SLC26A7: variants seen among roughly 807,000 people sequenced by gnomAD.
The protein encoded by SLC26A7 is solute carrier family 26 member 7.
SLC26A7 carries 59 observed loss-of-function variants against 82.5 expected under a neutral mutation model. The ratio of observed to expected loss-of-function variants is 0.72; its 90% confidence interval spans 0.58 to 0.89. SLC26A7 has a LOEUF of 0.89. Ranked by LOEUF, SLC26A7 falls within the 40% of genes least tolerant of loss-of-function variation. SLC26A7 has a pLI of 0.00. For missense variants in SLC26A7, 820 were observed against 793.0 expected, an observed-to-expected ratio of 1.03 and a Z score of -0.41; for synonymous variants, 271 against 274.3, an observed-to-expected ratio of 0.99 and a Z score of 0.12.
chr8:91,295,745 C>A (rs746770043), intron 4 of SLC26A7, 42 bp downstream of exon 4: 4 of 1,578,838 alleles, frequency 2.5e-6, no homozygotes, highest in Non-Finnish European at 3.5e-6. Flanking sequence ...AGGGACACAG[C>A]GGCACAGGGA....
chr8:91,332,068 C>T (rs1236106727), intron 5 of SLC26A7, among the ~76,000 whole-genome samples: 6 of 150,322 alleles, frequency 4.0e-5, no homozygotes, highest in African/African-American at 1.5e-4. Flanking sequence ...TTTGTTCAAA[C>T]ATGATATATT....
At chr8:91,293,252 G>T (rs1308937709) in intron 3 of SLC26A7, among the ~76,000 whole-genome samples, 3 of 152,178 alleles carry the variant, frequency 2.0e-5, no homozygotes, top group Non-Finnish European at 4.4e-5. Context: ...CAGTACTGTT[G>T]AGCTATCAGG....
chr8:91,234,791 CCCTACCTA>C (rs68154003), intron 2 of SLC26A7, among the ~76,000 whole-genome samples: 2,144 of 121,418 alleles, frequency 0.018, 42 homozygotes, highest in East Asian at 0.034. Flanking sequence ...TTCCCTCCCT[CCCTACCTA>C]CCTACCTACC....
intron 2 of SLC26A7, among the ~76,000 whole-genome samples, chr8:91,279,235 G>A (rs1399526764): frequency 6.8e-6 from 1 of 147,924 alleles, no homozygotes; most frequent in Non-Finnish European, 1.5e-5. Flanking sequence ...CTTGGCTATT[G>A]TGAATAGTGC....
intron 5 of SLC26A7, among the ~76,000 whole-genome samples, chr8:91,323,881 C>G (rs556512178): frequency 2.1e-5 from 3 of 145,794 alleles, no homozygotes; most frequent in African/African-American, 7.9e-5. Flanking sequence ...TGCAGTGGTG[C>G]CATCTCGGCT....
intron 4 of SLC26A7, among the ~76,000 whole-genome samples, chr8:91,310,598 G>A (rs1473972048): frequency 1.3e-5 from 2 of 152,160 alleles, no homozygotes; most frequent in African/African-American, 4.8e-5. Context: ...AGAGTTAAGC[G>A]AGTGGGCTCA....
rs1309321580 is a variant in SLC26A7 at position 91,395,192 on chromosome 8, A to G, written c.*95A>G. On this transcript the variant is annotated 3_prime_UTR_variant, in exon 19 of 19. Coordinates refer to ENST00000276609, the MANE Select transcript of SLC26A7 (RefSeq NM_052832.4). Reference sequence around the variant, plus strand: ...ACAACTTTTTGGTTGTTTAGATCCTACAGATGACCTCTGCTACAATAAGTA... The same window carrying G: ...ACAACTTTTTGGTTGTTTAGATCCTGCAGATGACCTCTGCTACAATAAGTA... 3.8e-6 allele frequency: 6 copies of G among 1,586,312 alleles called. No homozygotes were observed. Among genetic ancestry groups the G allele is most frequent in the East Asian group, 4.5e-5 (2 of 44,402 alleles).
At chr8:91,340,882 C>T (rs1813389407) in intron 8 of SLC26A7, among the ~76,000 whole-genome samples, 1 of 151,942 alleles carries the variant, frequency 6.6e-6, no homozygotes, top group Non-Finnish European at 1.5e-5. Flanking sequence ...ATTAGTATTA[C>T]TCTTAGTAAA....
At chr8:91,314,299 G>A (rs1177663719) in intron 4 of SLC26A7, among the ~76,000 whole-genome samples, 2 of 152,098 alleles carry the variant, frequency 1.3e-5, no homozygotes, top group African/African-American at 2.4e-5. Flanking sequence ...TATTCCAGGA[G>A]AGCCCCATTT....
chr8:91,226,897 G>A (rs573219808), intron 2 of SLC26A7, among the ~76,000 whole-genome samples: 4 of 152,326 alleles, frequency 2.6e-5, no homozygotes, highest in East Asian at 1.9e-4. Context: ...TAGGCTAAAT[G>A]TGTGCTAAAA....
intron 14 of SLC26A7, among the ~76,000 whole-genome samples, chr8:91,368,421 TTTTG>T (rs1814256133): frequency 2.0e-5 from 3 of 151,278 alleles, no homozygotes; most frequent in African/African-American, 4.9e-5. Context: ...AGGTTTTTTT[TTTTG>T]TTTTTTTTTT....
chr8:91,211,296 A>G (rs1809912382), intron 1 of SLC26A7, among the ~76,000 whole-genome samples: 1 of 152,110 alleles, frequency 6.6e-6, no homozygotes, highest in South Asian at 2.1e-4. Flanking sequence ...GATAGTAAAA[A>G]AGTATATCAC....
At chr8:91,321,022 A>G (rs953389741) in intron 5 of SLC26A7, among the ~76,000 whole-genome samples, 6 of 152,186 alleles carry the variant, frequency 3.9e-5, no homozygotes, top group African/African-American at 1.4e-4. Flanking sequence ...ATGTCCATTG[A>G]TTAATTAATT....
At chr8:91,366,434 T>C in intron 13 of SLC26A7, 146 bp from the exon 14 acceptor site, 1 of 783,164 alleles carries the variant, frequency 1.3e-6, no homozygotes, top group Non-Finnish European at 2.0e-6. Context: ...GGAAGTGTGA[T>C]AGTACATTAA....
chr8:91,247,092 G>A (rs1810554447), upstream of SLC26A7, among the ~76,000 whole-genome samples: 2 of 152,184 alleles, frequency 1.3e-5, no homozygotes, highest in South Asian at 2.1e-4. Context: ...GAGAAGGACT[G>A]CATTGCTTCC....
intron 5 of SLC26A7, among the ~76,000 whole-genome samples, chr8:91,326,186 G>T (rs1812926358): frequency 6.6e-6 from 1 of 152,170 alleles, no homozygotes; most frequent in African/African-American, 2.4e-5. Flanking sequence ...AACATGAAAA[G>T]AGGGGAATTT....
chr8:91,351,985 A>T, intron 10 of SLC26A7, 98 bp downstream of exon 10: 1 of 933,866 alleles, frequency 1.1e-6, no homozygotes, highest in South Asian at 1.4e-5. Context: ...AACAATCCTA[A>T]ATGTAGAAAC....
chr8:91,391,683 G>A (rs556289624), intron 16 of SLC26A7, among the ~76,000 whole-genome samples: 6 of 152,178 alleles, frequency 3.9e-5, no homozygotes, highest in South Asian at 2.1e-4. Context: ...GCTCTTCTGA[G>A]GTGCTCATTG....
At chr8:91,320,183 C>G (rs1260616407) in intron 5 of SLC26A7, among the ~76,000 whole-genome samples, 1 of 152,058 alleles carries the variant, frequency 6.6e-6, no homozygotes, top group Non-Finnish European at 1.5e-5. Flanking sequence ...CTGCCTCAGC[C>G]CCCTGAGTAG....
Sources: gnomAD v4.1 joint callset for allele counts (sites outside exome capture counted in the v4.1 genomes callset) on GRCh38, gnomAD v4.1.1 for gene constraint, MANE v1.5 for transcripts, NCBI Gene and HGNC (gene_info 2026-07-23, HGNC 2026-07-21) for gene names.